Variants in TAFA1 observed in about 807,000 individuals in gnomAD.
TAFA1 encodes chemokine-like protein TAFA-1.
A neutral mutation model predicts 18.5 loss-of-function variants in TAFA1; 4 were observed. That is an observed-to-expected ratio of 0.22 (90% CI 0.11 to 0.49). The LOEUF (loss-of-function observed/expected upper bound fraction) is 0.49. Ranked by LOEUF, TAFA1 falls within the 20% of genes least tolerant of loss-of-function variation. The pLI is 0.98. For missense variants in TAFA1, 147 were observed against 169.0 expected (o/e 0.87, Z 0.72); for synonymous variants, 56 against 55.2 (o/e 1.01, Z -0.06).
chr3:68,157,425 A>G (rs1286642898), intron 2 of TAFA1, among the ~76,000 whole-genome samples: 1 of 152,198 alleles, frequency 6.6e-6, no homozygotes, highest in East Asian at 1.9e-4. Flanking sequence ...ATTTCTCCCA[A>G]CTGCTGTAAA....
intron 2 of TAFA1, among the ~76,000 whole-genome samples, chr3:68,080,932 C>T (rs1241751222): frequency 6.6e-6 from 1 of 152,098 alleles, no homozygotes; most frequent in Non-Finnish European, 1.5e-5. Flanking sequence ...CCATTCTCCC[C>T]ATCACTTTCA....
At chr3:68,056,110 G>C (rs533800802) in intron 2 of TAFA1, among the ~76,000 whole-genome samples, 8 of 152,240 alleles carry the variant, frequency 5.3e-5, no homozygotes, top group African/African-American at 1.7e-4. Flanking sequence ...ATAAGCTAGT[G>C]CATCCTCTTC....
intron 2 of TAFA1, among the ~76,000 whole-genome samples, chr3:68,224,896 C>CTTT (rs71112624): frequency 8.6e-5 from 4 of 46,368 alleles, no homozygotes; most frequent in Non-Finnish European, 1.1e-4. Flanking sequence ...GCTTGTGGCA[C>CTTT]TTTTTTTTTT....
intron 2 of TAFA1, among the ~76,000 whole-genome samples, chr3:68,237,551 T>C (rs1174926874): frequency 1.3e-5 from 2 of 152,208 alleles, no homozygotes; most frequent in East Asian, 1.9e-4. Context: ...TATGAATTCA[T>C]GTTTTCATGA....
rs763753757 is a variant in TAFA1 at position 68,262,307 on chromosome 3, GTATATATATATATATATATATATATATA to G, written c.119-154949_119-154922del. ...TCAGCTTTTATTTTAGATATGGAGG[GTATATATATATATATATATATATATATA>G]TATATATATATATATATATATATTT... On this transcript the variant is annotated intron_variant, in intron 2 of 4. Coordinates refer to ENST00000478136, the MANE Select transcript of TAFA1 (RefSeq NM_213609.4). 2.6e-3 allele frequency among the ~76,000 whole-genome samples: 84 copies of G among 32,266 alleles called. 3 individuals carry two copies. Among genetic ancestry groups the G allele is most frequent in the South Asian group, 0.017 (13 of 764 alleles). 21.2% of individuals were successfully genotyped at this position (32,266 alleles called of 152,430 possible). A position where few individuals can be genotyped will look rare whatever the true frequency, so the allele number is the denominator to read the frequency against.
intron 2 of TAFA1, among the ~76,000 whole-genome samples, chr3:68,195,867 C>T (rs1419126912): frequency 6.6e-6 from 1 of 151,788 alleles, no homozygotes; most frequent in Non-Finnish European, 1.5e-5. Context: ...TCTCAGCACC[C>T]ACCCTGGAAA....
chr3:68,041,063 G>A (rs7625708), intron 2 of TAFA1, among the ~76,000 whole-genome samples: 88,809 of 152,014 alleles, frequency 0.58, 26,459 homozygotes, highest in East Asian at 0.67. Context: ...AAAGATTATT[G>A]CAAATGTACA....
At chr3:68,515,980 T>C (rs1403079267) in intron 3 of TAFA1, among the ~76,000 whole-genome samples, 1 of 152,264 alleles carries the variant, frequency 6.6e-6, no homozygotes, top group Non-Finnish European at 1.5e-5. Context: ...CAGGCTGCAC[T>C]GGCCCTTACT....
chr3:68,302,703 C>G (rs986952058), intron 2 of TAFA1, among the ~76,000 whole-genome samples: 7 of 152,120 alleles, frequency 4.6e-5, no homozygotes, highest in African/African-American at 1.7e-4. Context: ...ACACAGGAAG[C>G]AGTCTCTCCT....
chr3:68,497,597 T>C (rs752764243), intron 3 of TAFA1, among the ~76,000 whole-genome samples: 1 of 152,168 alleles, frequency 6.6e-6, no homozygotes, highest in Non-Finnish European at 1.5e-5. Flanking sequence ...GGAAACAGCC[T>C]GGTTCCTTCC....
chr3:68,123,649 C>T (rs1417276176), intron 2 of TAFA1, among the ~76,000 whole-genome samples: 1 of 152,076 alleles, frequency 6.6e-6, no homozygotes, highest in Admixed American at 6.5e-5. Flanking sequence ...CCAGTTAACA[C>T]AGTGGCTTGG....
intron 2 of TAFA1, among the ~76,000 whole-genome samples, chr3:68,344,658 G>T (rs1232225350): frequency 3.3e-5 from 5 of 152,106 alleles, no homozygotes; most frequent in Non-Finnish European, 7.4e-5. Context: ...CTTTGGGTAG[G>T]TTACTTCTCT....
At chr3:68,543,944 A>G (rs2073417365) in intron 4 of TAFA1, among the ~76,000 whole-genome samples, 1 of 152,062 alleles carries the variant, frequency 6.6e-6, no homozygotes, top group African/African-American at 2.4e-5. Flanking sequence ...TCTAACCTTG[A>G]CAACGACCTC....
At chr3:68,455,089 T>C (rs2071635864) in intron 3 of TAFA1, among the ~76,000 whole-genome samples, 1 of 152,156 alleles carries the variant, frequency 6.6e-6, no homozygotes, top group East Asian at 1.9e-4. Flanking sequence ...TCAAGTAAAC[T>C]AGAGAAAAGA....
intron 2 of TAFA1, among the ~76,000 whole-genome samples, chr3:68,106,388 T>C (rs2065204956): frequency 6.6e-6 from 1 of 152,128 alleles, no homozygotes; most frequent in Non-Finnish European, 1.5e-5. Flanking sequence ...CCTTGAAACG[T>C]GGTTAGCATA....
intron 2 of TAFA1, among the ~76,000 whole-genome samples, chr3:68,364,387 A>G (rs2069528050): frequency 6.6e-6 from 1 of 152,180 alleles, no homozygotes; most frequent in Admixed American, 6.5e-5. Flanking sequence ...TTTACACTCC[A>G]TAGCTTGGAT....
rs570350910 is a variant in TAFA1 at position 68,081,100 on chromosome 3, C to T, written c.118+74356C>T. Among the ~76,000 whole-genome samples, 11 of 152,288 alleles carry T rather than the reference C, an allele frequency of 7.2e-5. No homozygotes were observed. The East Asian group carries it at 1.4e-3, about 19-fold the overall frequency. On this transcript the variant is annotated intron_variant, in intron 2 of 4. Coordinates refer to ENST00000478136, the MANE Select transcript of TAFA1 (RefSeq NM_213609.4). ...ACTGATACCCTTTCTTCCAGTTGAT[C>T]GCATCGGCTCCTGGGGCTTCTGCAT...
chr3:68,124,096 T>C (rs1338704034), intron 2 of TAFA1, among the ~76,000 whole-genome samples: 1 of 152,146 alleles, frequency 6.6e-6, no homozygotes, highest in Admixed American at 6.5e-5. Flanking sequence ...TTAGCCTTCA[T>C]GTATAGAGAG....
Position 68,488,146 on chromosome 3 carries a change from G to A in TAFA1, c.260-50610G>A, listed in dbSNP as rs886261108. ...AAAGGGGAGTTTATTAAGGAGTATT[G>A]ACTCACACAATCACAAGGTGATGTC... On this transcript the variant is annotated intron_variant, in intron 3 of 4. Transcript: ENST00000478136. Among the ~76,000 whole-genome samples the A allele has an allele frequency of 3.9e-5, 6 of 152,148 alleles. No homozygotes were observed. In the East Asian group the frequency reaches 1.2e-3, roughly 29 times the overall value.
Sources: gnomAD v4.1 joint callset for allele counts (sites outside exome capture counted in the v4.1 genomes callset) on GRCh38, gnomAD v4.1.1 for gene constraint, MANE v1.5 for transcripts, NCBI Gene and HGNC (gene_info 2026-07-23, HGNC 2026-07-21) for gene names.